RPS15A: variants seen among roughly 807,000 people sequenced by gnomAD.
The protein encoded by RPS15A is small ribosomal subunit protein uS8.
For synonymous variants in RPS15A, 55 were observed against 58.5 expected (o/e 0.94, Z 0.27); for missense variants, 62 against 163.4 (o/e 0.38, Z 3.38).
intron 2 of RPS15A, chr16:18,788,408 CA>C: frequency 2.3e-6 from 1 of 442,324 alleles, no homozygotes; most frequent in East Asian, 4.1e-5. Flanking sequence ...TTCCCATTCC[CA>C]AAGACTACTT....
chr16:18,787,583 G>A (rs548940480), intron 3 of RPS15A, among the ~76,000 whole-genome samples: 1 of 152,300 alleles, frequency 6.6e-6, no homozygotes, highest in African/African-American at 2.4e-5. Context: ...AAGTCAAACT[G>A]AAAAGCAGCA....
chr16:18,789,190 C>G, intron 1 of RPS15A, 72 bp from the exon 2 acceptor site: 1 of 1,429,364 alleles, frequency 7.0e-7, no homozygotes, highest in Non-Finnish European at 9.5e-7. Context: ...CATTACACTG[C>G]GGAAGTATCC....
intron 2 of RPS15A, chr16:18,788,711 AGG>A (rs1190183224): frequency 2.8e-6 from 1 of 359,442 alleles, no homozygotes; most frequent in African/African-American, 2.1e-5. Flanking sequence ...CATGTTGGCC[AGG>A]CTGGTCTCGA....
chr16:18,785,457 A>G (rs1184791971), intron 3 of RPS15A: 1 of 152,128 alleles, frequency 6.6e-6, no homozygotes, highest in Non-Finnish European at 1.5e-5. Context: ...TCCCAAGTAA[A>G]AGCTCGCCAA....
chr16:18,783,675 C>T (rs1456180647), intron 4 of RPS15A: 1 of 456,042 alleles, frequency 2.2e-6, no homozygotes, highest in South Asian at 1.5e-5. Context: ...AGAATACTTT[C>T]AACCAAGGCA....
At chr16:18,790,198 C>G (rs776250038) in intron 1 of RPS15A, 46 bp downstream of exon 1, 1 of 152,504 alleles carries the variant, frequency 6.6e-6, no homozygotes, top group African/African-American at 2.4e-5. Flanking sequence ...CCAGGATCCT[C>G]GGCCAAGGTG....
At chr16:18,783,542 T>G (rs1397376407) in intron 4 of RPS15A, 6 of 402,044 alleles carry the variant, frequency 1.5e-5, no homozygotes, top group Non-Finnish European at 3.0e-5. Context: ...CATGAGTTAC[T>G]GTGGGGATCA....
chr16:18,786,426 A>G (rs1369981037), intron 3 of RPS15A: 1 of 154,924 alleles, frequency 6.5e-6, no homozygotes, highest in African/African-American at 2.4e-5. Flanking sequence ...TTTTCAAACT[A>G]GCATACCACA....
chr16:18,788,175 G>T (rs1392836262), intron 2 of RPS15A, 33 bp from the exon 3 acceptor site: 8 of 1,371,658 alleles, frequency 5.8e-6, no homozygotes, highest in Non-Finnish European at 8.3e-6. Context: ...TTAAATAAAA[G>T]ACATCAACTT....
intron 2 of RPS15A, chr16:18,788,558 G>A (rs59505750): frequency 0.029 from 5,272 of 180,386 alleles, 305 homozygotes; most frequent in African/African-American, 0.12. Context: ...GGCCGATCTC[G>A]GCTCACTGCA....
chr16:18,783,564 A>G (rs980899194), intron 4 of RPS15A: 2 of 436,704 alleles, frequency 4.6e-6, no homozygotes, highest in Non-Finnish European at 9.2e-6. Flanking sequence ...TGTAACAAGC[A>G]TATAGTATGC....
intron 2 of RPS15A, 63 bp from the exon 3 acceptor site, chr16:18,788,205 T>A: frequency 2.9e-6 from 3 of 1,023,912 alleles, no homozygotes; most frequent in Non-Finnish European, 4.6e-6. Flanking sequence ...ACCTCTGTGC[T>A]CTAGCCTACT....
chr16:18,785,450 C>G (rs1172727346), intron 3 of RPS15A: 1 of 152,164 alleles, frequency 6.6e-6, no homozygotes, highest in Non-Finnish European at 1.5e-5. Flanking sequence ...ATGATCCTCC[C>G]AAGTAAAAGC....
At chr16:18,786,157 G>A (rs1015220420) in intron 3 of RPS15A, 1 of 163,724 alleles carries the variant, frequency 6.1e-6, no homozygotes, top group East Asian at 1.9e-4. Flanking sequence ...CTGAGGTCAG[G>A]AGTCCCAGAC....
intron 4 of RPS15A, 180 bp downstream of exon 4, chr16:18,784,556 CTT>C (rs915243715): frequency 1.8e-6 from 1 of 559,016 alleles, no homozygotes; most frequent in African/African-American, 2.0e-5. Context: ...AACCCTGTCT[CTT>C]TTTAAAGAGA....
chr16:18,785,057 A>C, intron 3 of RPS15A: 1 of 444,524 alleles, frequency 2.2e-6, no homozygotes, highest in Non-Finnish European at 4.0e-6. Context: ...GAACAAGGCA[A>C]TACATGGCAG....
intron 3 of RPS15A, among the ~76,000 whole-genome samples, chr16:18,787,842 G>C (rs2029918333): frequency 6.6e-6 from 1 of 152,168 alleles, no homozygotes. Flanking sequence ...TCCTGAGACA[G>C]CTTATACCCC....
intron 1 of RPS15A, 32 bp downstream of exon 1, chr16:18,790,212 A>C (rs983313336): frequency 3.9e-4 from 60 of 152,600 alleles, no homozygotes; most frequent in African/African-American, 1.4e-3. Context: ...CAAGGTGGGG[A>C]CCAGCCTCCT....
intron 3 of RPS15A, chr16:18,785,782 C>T (rs955113338): frequency 3.3e-5 from 5 of 152,168 alleles, no homozygotes; most frequent in African/African-American, 1.2e-4. Flanking sequence ...TATGGGAAAA[C>T]CAGTTTTATC....
Sources: allele counts gnomAD v4.1 joint callset (sites outside exome capture counted in the v4.1 genomes callset), GRCh38; gene constraint gnomAD v4.1.1; transcripts MANE v1.5; gene names NCBI Gene and HGNC (gene_info 2026-07-23, HGNC 2026-07-21).